GABRG3: variants seen among roughly 807,000 people sequenced by gnomAD.
The protein encoded by GABRG3 is gamma-aminobutyric acid receptor subunit gamma-3.
GABRG3 carries 25 observed loss-of-function variants against 48.8 expected under a neutral mutation model. The observed-to-expected ratio is 0.51, with a 90% CI of 0.37 to 0.72. GABRG3 has a LOEUF of 0.72. GABRG3 is among the 30% of genes least tolerant of loss of function. The pLI, the probability that GABRG3 is intolerant of heterozygous loss-of-function variation, is 0.00. For missense variants in GABRG3, 394 were observed against 577.9 expected (o/e 0.68, Z 3.26); for synonymous variants, 227 against 217.6 (o/e 1.04, Z -0.38).
intron 3 of GABRG3, among the ~76,000 whole-genome samples, chr15:27,044,778 G>A (rs1033537295): frequency 2.6e-5 from 4 of 152,240 alleles, no homozygotes; most frequent in Non-Finnish European, 5.9e-5. Flanking sequence ...TCCATTGGTT[G>A]CCACTCAGTG....
At chr15:27,198,962 A>T (rs1888595253) in intron 3 of GABRG3, among the ~76,000 whole-genome samples, 1 of 152,060 alleles carries the variant, frequency 6.6e-6, no homozygotes, top group African/African-American at 2.4e-5. Flanking sequence ...CTATGGGCAC[A>T]GAGAGGGGAA....
intron 6 of GABRG3, chr15:27,481,381 T>C (rs8024595): frequency 0.079 from 43,964 of 556,590 alleles, 1,835 homozygotes; most frequent in Non-Finnish European, 0.086. Context: ...TTATGTCTTA[T>C]GTTGTTTTTT....
At position 27,252,731 on chromosome 15, in the gene GABRG3, T is replaced by C. The variant is rs1890499462; in HGVS notation, c.271-74078T>C. Among the ~76,000 whole-genome samples, 3 of 152,220 alleles carry C rather than the reference T, an allele frequency of 2.0e-5. No homozygotes were observed. The South Asian group carries it at 6.2e-4, about 31-fold the overall frequency. Reference sequence around the variant, plus strand: ...CTGACCCCAGGCAGAATATTGTATCTGGAAGAGATTTCTGAGATAATTCAA... The same window carrying C: ...CTGACCCCAGGCAGAATATTGTATCCGGAAGAGATTTCTGAGATAATTCAA... On this transcript the variant is annotated intron_variant, in intron 3 of 9. Coordinates refer to ENST00000615808, the MANE Select transcript of GABRG3 (RefSeq NM_033223.5).
intron 5 of GABRG3, among the ~76,000 whole-genome samples, chr15:27,423,829 A>G (rs774870816): frequency 6.7e-6 from 1 of 149,450 alleles, no homozygotes; most frequent in Non-Finnish European, 1.5e-5. Context: ...GGTCCCCCAA[A>G]GTACTGAAAT....
chr15:27,238,352 T>C (rs1470954), intron 3 of GABRG3, among the ~76,000 whole-genome samples: 38,222 of 152,214 alleles, frequency 0.25, 7,029 homozygotes, highest in African/African-American at 0.52. Flanking sequence ...CAGCCTGCCT[T>C]GCCCCACGCC....
At chr15:27,097,050 C>T (rs1321754584) in intron 3 of GABRG3, among the ~76,000 whole-genome samples, 27 of 149,372 alleles carry the variant, frequency 1.8e-4, no homozygotes, top group Admixed American at 6.7e-5. Flanking sequence ...CAGGGTTTCA[C>T]CATGTTGGCC....
At chr15:27,186,886 C>T (rs1295682094) in intron 3 of GABRG3, among the ~76,000 whole-genome samples, 1 of 151,838 alleles carries the variant, frequency 6.6e-6, no homozygotes, top group East Asian at 1.9e-4. Context: ...CTGTTTACTC[C>T]CTTGATAGTT....
chr15:27,460,357 C>A (rs1889411957), intron 5 of GABRG3, among the ~76,000 whole-genome samples: 1 of 152,170 alleles, frequency 6.6e-6, no homozygotes, highest in Non-Finnish European at 1.5e-5. Context: ...AGACTGGGGT[C>A]TGCTTGGCAG....
intron 3 of GABRG3, among the ~76,000 whole-genome samples, chr15:27,304,760 C>G (rs73363127): frequency 0.027 from 4,052 of 151,972 alleles, 179 homozygotes; most frequent in African/African-American, 0.089. Flanking sequence ...TTAATGATAT[C>G]CAAAGTACTA....
In GABRG3 at chr15:27,130,504, A is replaced by C. The variant is rs181247065; in HGVS notation, c.270+103683A>C. 3.2e-3 allele frequency among the ~76,000 whole-genome samples: 481 copies of C among 152,198 alleles called. 1 individual carries two copies. Among genetic ancestry groups the C allele is most frequent in the African/African-American group, 0.011 (465 of 41,548 alleles). On this transcript the variant is annotated intron_variant, in intron 3 of 9. Transcript: ENST00000615808. ...AGACCCCCAACTTTGTTCTTCTTCA[A>C]GACTATTTTGGATATTTGGAGTCTT...
intron 5 of GABRG3, among the ~76,000 whole-genome samples, chr15:27,443,924 C>G (rs1888865813): frequency 6.6e-6 from 1 of 152,136 alleles, no homozygotes; most frequent in South Asian, 2.1e-4. Context: ...CTCTTTTACT[C>G]TGTTAATAAG....
chr15:27,247,992 G>GTCATGC (rs2140457625), intron 3 of GABRG3, among the ~76,000 whole-genome samples: 1 of 152,322 alleles, frequency 6.6e-6, no homozygotes, highest in African/African-American at 2.4e-5. Context: ...CACATAAGTA[G>GTCATGC]ATGTCCAATA....
chr15:27,165,861 G>A (rs574376717), intron 3 of GABRG3, among the ~76,000 whole-genome samples: 1 of 152,184 alleles, frequency 6.6e-6, no homozygotes, highest in East Asian at 1.9e-4. Flanking sequence ...AGCCCTAGAG[G>A]AAGAAAAGGC....
chr15:27,404,855 G>A (rs1887584823), intron 5 of GABRG3, among the ~76,000 whole-genome samples: 1 of 152,230 alleles, frequency 6.6e-6, no homozygotes, highest in Admixed American at 6.5e-5. Context: ...TCTCAGCCGT[G>A]TGGGATGCGG....
At chr15:27,482,369 G>T (rs1435045989) in intron 6 of GABRG3, among the ~76,000 whole-genome samples, 1 of 152,166 alleles carries the variant, frequency 6.6e-6, no homozygotes, top group Non-Finnish European at 1.5e-5. Flanking sequence ...CTGCAGCTGG[G>T]GTGTGTTGTT....
intron 5 of GABRG3, among the ~76,000 whole-genome samples, chr15:27,421,371 A>T (rs147610024): frequency 7.0e-4 from 107 of 152,370 alleles, no homozygotes; most frequent in Non-Finnish European, 1.2e-3. Context: ...TTTAACCTAT[A>T]CAATATTCCC....
chr15:27,256,170 T>C (rs951680015), intron 3 of GABRG3, among the ~76,000 whole-genome samples: 31 of 151,892 alleles, frequency 2.0e-4, no homozygotes, highest in African/African-American at 3.6e-4. Flanking sequence ...GGGCCGGGTG[T>C]GGTGGCTCAT....
At chr15:27,401,867 A>G (rs1363316051) in intron 5 of GABRG3, among the ~76,000 whole-genome samples, 2 of 152,206 alleles carry the variant, frequency 1.3e-5, no homozygotes, top group African/African-American at 4.8e-5. Flanking sequence ...GAGGAGAATC[A>G]TGTCTTTTCA....
At chr15:27,240,340 T>C (rs1238453956) in intron 3 of GABRG3, among the ~76,000 whole-genome samples, 1 of 152,184 alleles carries the variant, frequency 6.6e-6, no homozygotes, top group Non-Finnish European at 1.5e-5. Context: ...TCCACAGTGC[T>C]GGAGGCTAAG....
Sources: allele counts gnomAD v4.1 joint callset (sites outside exome capture counted in the v4.1 genomes callset), GRCh38; gene constraint gnomAD v4.1.1; transcripts MANE v1.5; gene names NCBI Gene and HGNC (gene_info 2026-07-23, HGNC 2026-07-21).